Variants in TSPAN15 observed in about 807,000 individuals in gnomAD.
The protein encoded by TSPAN15 is tetraspanin 15.
TSPAN15 carries 20 observed loss-of-function variants against 34.5 expected under a neutral mutation model. The observed-to-expected ratio is 0.58, with a 90% CI of 0.41 to 0.84. The LOEUF is 0.84. Among genes scored for constraint, TSPAN15 ranks in the 40% least tolerant of loss-of-function variants. The probability of loss-of-function intolerance (pLI) is 0.00; values close to 1 mark genes in which losing one functional copy is unlikely to be tolerated. For missense variants in TSPAN15, 313 were observed against 386.1 expected (o/e 0.81, Z 1.59); for synonymous variants, 155 against 153.9 (o/e 1.01, Z -0.05).
chr10:69,473,338 G>A lies in TSPAN15; in HGVS notation c.97-10353G>A, dbSNP rs577700595. On this transcript the variant is annotated intron_variant, in intron 1 of 7. Coordinates refer to ENST00000373290, the MANE Select transcript of TSPAN15 (RefSeq NM_012339.5). ...TTGGCTTTAGTATTTCCAGGAAACTGTCTCCTTTCCAAGGCTGCTATGGGA... is the reference window on the plus strand; with the variant it reads ...TTGGCTTTAGTATTTCCAGGAAACTATCTCCTTTCCAAGGCTGCTATGGGA... Among the ~76,000 whole-genome samples, 31 of 152,312 alleles carry A rather than the reference G, an allele frequency of 2.0e-4. No individual in the cohort carries two copies. The South Asian group carries it at 5.8e-3, about 29-fold the overall frequency.
At chr10:69,512,582 G>T (rs891305603), downstream of TSPAN15, among the ~76,000 whole-genome samples, 2 of 152,076 alleles carry the variant, frequency 1.3e-5, no homozygotes, top group Non-Finnish European at 2.9e-5. Flanking sequence ...GTTTATTATA[G>T]CCCTTCCCAC....
chr10:69,511,318 T>C (rs1589660203), downstream of TSPAN15, among the ~76,000 whole-genome samples: 1 of 152,232 alleles, frequency 6.6e-6, no homozygotes, highest in Non-Finnish European at 1.5e-5. Flanking sequence ...GGTGTATGTG[T>C]CCAGGAATTT....
rs1186097496 is a variant in TSPAN15 at position 69,451,611 on chromosome 10, C to T, written c.17C>T (p.Ser6Leu). The change falls in exon 1 of 8, where the codon TCG becomes TTG. Residue 6 changes from serine (S) to leucine (L), a missense_variant. Physicochemically the swap from Ser to Leu is moderately radical, Grantham distance 145. Transcript: ENST00000373290. MPRGD[S>L]EQVRYCARFS... ...GCGCCCAGGATGCCGCGCGGGGACT[C>T]GGAGCAGGTGCGCTACTGCGCGCGC... 4.0e-6 allele frequency: 6 copies of T among 1,508,940 alleles called. No homozygotes were observed. The highest frequency in any genetic ancestry group is 5.3e-6 in the Non-Finnish European group (6 of 1,125,568). The allele number at this position is 1,508,940 out of a possible 1,614,324, so 93.5% of individuals were successfully genotyped here.
At position 69,506,553 on chromosome 10, in the gene TSPAN15, G is replaced by A. The variant is rs1460675071; in HGVS notation, c.736-276G>A. On this transcript the variant is annotated intron_variant, in intron 7 of 7. Transcript: ENST00000373290. The surrounding 1 kb of genome is among the most constrained non-coding windows in gnomAD (Gnocchi z 4.7). Reference sequence around the variant, plus strand: ...GATCCCCTAGATAGTGTGCAGCAGAGCTGGGGTGGAGGCAGGAATCCCAGA... The same window carrying A: ...GATCCCCTAGATAGTGTGCAGCAGAACTGGGGTGGAGGCAGGAATCCCAGA... Among the ~76,000 whole-genome samples the A allele has an allele frequency of 1.3e-5, 2 of 152,234 alleles. No homozygotes were observed. The highest frequency in any genetic ancestry group is 4.8e-5 in the African/African-American group (2 of 41,454).
At chr10:69,510,373 CTCTG>C (rs1378472410), downstream of TSPAN15, among the ~76,000 whole-genome samples, 9 of 151,974 alleles carry the variant, frequency 5.9e-5, no homozygotes, top group African/African-American at 1.7e-4. Flanking sequence ...TGAATTGGTT[CTCTG>C]TCTGTTATTG....
At chr10:69,490,087 G>A (rs1841937164) in intron 3 of TSPAN15, among the ~76,000 whole-genome samples, 1 of 152,164 alleles carries the variant, frequency 6.6e-6, no homozygotes, top group Non-Finnish European at 1.5e-5. Context: ...ACCAGGGTAG[G>A]ATCAGTGGGC....
chr10:69,473,681 A>G (rs986793379), intron 1 of TSPAN15, among the ~76,000 whole-genome samples: 1 of 152,150 alleles, frequency 6.6e-6, no homozygotes, highest in African/African-American at 2.4e-5. Flanking sequence ...CAAAGAGTTG[A>G]TAGCAGAGCT....
At chr10:69,485,816 A>C (rs574660656) in intron 3 of TSPAN15, among the ~76,000 whole-genome samples, 24 of 152,270 alleles carry the variant, frequency 1.6e-4, no homozygotes, top group African/African-American at 5.3e-4. Context: ...TGCTTGTACC[A>C]AGGTGGAGGC....
At chr10:69,471,553 C>G (rs1012023040) in intron 1 of TSPAN15, among the ~76,000 whole-genome samples, 1 of 151,858 alleles carries the variant, frequency 6.6e-6, no homozygotes, top group Non-Finnish European at 1.5e-5. Context: ...TTCTTTCTTT[C>G]TCTCTCACTC....
the TSPAN15 span, among the ~76,000 whole-genome samples, chr10:69,548,463 A>C: frequency 2.0e-5 from 3 of 152,260 alleles, no homozygotes; most frequent in Non-Finnish European, 2.9e-5. Context: ...TTGACAAAAC[A>C]TATGAAATAA....
chr10:69,493,040 C>A (rs183985155), intron 3 of TSPAN15, among the ~76,000 whole-genome samples: 213 of 152,328 alleles, frequency 1.4e-3, no homozygotes, highest in Non-Finnish European at 2.6e-3. Flanking sequence ...AAGCTCATTC[C>A]CCTGCCCCAC....
At chr10:69,519,717 A>G in the TSPAN15 span, among the ~76,000 whole-genome samples, 11 of 152,080 alleles carry the variant, frequency 7.2e-5, no homozygotes, top group East Asian at 1.9e-4. Context: ...ATATTAATAC[A>G]TAACATAAAA....
At chr10:69,526,684 G>A in the TSPAN15 span, among the ~76,000 whole-genome samples, 3 of 142,752 alleles carry the variant, frequency 2.1e-5, 1 homozygote, top group African/African-American at 7.6e-5. Flanking sequence ...CAGCTACTCA[G>A]AAGACTGAGA....
chr10:69,494,135 A>C (rs575573097), intron 3 of TSPAN15, among the ~76,000 whole-genome samples: 238 of 152,270 alleles, frequency 1.6e-3, no homozygotes, highest in African/African-American at 4.8e-3. Context: ...ACCTCGGACT[A>C]GCCACATCGC....
chr10:69,484,281 G>A (rs544794402), intron 2 of TSPAN15, among the ~76,000 whole-genome samples: 22 of 152,188 alleles, frequency 1.4e-4, no homozygotes, highest in African/African-American at 5.1e-4. Flanking sequence ...CCTGCCAGCC[G>A]GGGCTGCTCC....
At chr10:69,518,569 G>A in the TSPAN15 span, among the ~76,000 whole-genome samples, 2 of 152,082 alleles carry the variant, frequency 1.3e-5, no homozygotes, top group Non-Finnish European at 2.9e-5. Flanking sequence ...GACTACAGGC[G>A]CACACCACCA....
At chr10:69,496,907 G>A (rs1230903837) in intron 4 of TSPAN15, among the ~76,000 whole-genome samples, 1 of 152,218 alleles carries the variant, frequency 6.6e-6, no homozygotes, top group South Asian at 2.1e-4. Flanking sequence ...AGCTGGCTTG[G>A]GGATTTCATT....
the TSPAN15 span, among the ~76,000 whole-genome samples, chr10:69,520,437 C>T: frequency 2.0e-5 from 3 of 152,116 alleles, no homozygotes; most frequent in South Asian, 6.2e-4. Flanking sequence ...AGAAGCAGGT[C>T]GCTTGAGTCC....
At chr10:69,505,890 C>G (rs2133167101) in intron 6 of TSPAN15, 1 of 417,988 alleles carries the variant, frequency 2.4e-6, no homozygotes. Context: ...AGCCGCCAAC[C>G]TCGTTTGCTG....
Sources: allele counts gnomAD v4.1 joint callset (sites outside exome capture counted in the v4.1 genomes callset), GRCh38; gene constraint gnomAD v4.1.1; non-coding constraint Gnocchi (gnomAD v3.1); transcripts MANE v1.5; gene names NCBI Gene and HGNC (gene_info 2026-07-23, HGNC 2026-07-21).